Variants in DDX24 observed in about 807,000 individuals in gnomAD.
The protein encoded by DDX24 is DEAD-box helicase 24.
A neutral mutation model predicts 68.9 loss-of-function variants in DDX24; 24 were observed. The observed-to-expected ratio is 0.35, with a 90% confidence interval of 0.25 to 0.49. The LOEUF (loss-of-function observed/expected upper bound fraction) is 0.49. Ranked by LOEUF, DDX24 falls within the 20% of genes least tolerant of loss-of-function variation. The pLI is 0.99. For missense variants in DDX24, 989 were observed against 1,039.0 expected (o/e 0.95, Z 0.66); for synonymous variants, 395 against 385.2 (o/e 1.03, Z -0.30).
chr14:94,061,837 CCAGA>C (rs576394673), intron 3 of DDX24, among the ~76,000 whole-genome samples: 96 of 152,270 alleles, frequency 6.3e-4, no homozygotes, highest in Admixed American at 5.3e-3. Flanking sequence ...ATTTATAAAA[CCAGA>C]CAGTTTGCTA....
rs754417796 is a variant in DDX24, at chr14:94,062,546, G to A, written c.794C>T (p.Pro265Leu). The A allele has an allele frequency of 5.6e-6, 9 of 1,614,146 alleles. No individual in the cohort carries two copies. The South Asian group carries it at 9.9e-5, about 18-fold the overall frequency. ...TGGTGCTTCGGTGTTACTTGGAGGA[G>A]GGGCAGCATTCCTCTTCTGCCACTG... Reference protein sequence around the residue: ...VLQWQKRNAAPPPSNTEAPPG... With the variant: ...VLQWQKRNAALPPSNTEAPPG... The change falls in exon 3 of 9, where the codon CCT (proline) becomes CTT (leucine). Residue 265 changes from proline (P) to leucine (L), a missense_variant. Transcript: ENST00000621632.
In DDX24 at chr14:94,050,696, C is replaced by G. The variant is rs1353280555; in HGVS notation, c.*495G>C. ...GCTAAGGAGCTATTAGGGTGCTGCT[C>G]TGGGTAAAGCAGGAACATGCACCTC... On this transcript the variant is annotated 3_prime_UTR_variant, in exon 9 of 9. Transcript: ENST00000621632. The G allele has an allele frequency of 6.5e-6, 1 of 153,630 alleles. No individual in the cohort carries two copies. Among genetic ancestry groups the G allele is most frequent in the Non-Finnish European group, 1.4e-5 (1 of 69,114 alleles). 9.5% of individuals were successfully genotyped at this position (153,630 alleles called of 1,614,324 possible). A position where few individuals can be genotyped will look rare whatever the true frequency, so the allele number is the denominator to read the frequency against.
At chr14:94,056,978 T>G (rs1253368868) in intron 6 of DDX24, 1 of 152,096 alleles carries the variant, frequency 6.6e-6, no homozygotes, top group African/African-American at 2.4e-5. Flanking sequence ...AAAGAGGAAT[T>G]AAAGAGGAAA....
Position 94,079,111 on chromosome 14 carries a change from C to G in DDX24, c.632G>C (p.Gly211Ala). The G allele has an allele frequency of 1.2e-6, 2 of 1,614,156 alleles. No individual in the cohort carries two copies. Among genetic ancestry groups the G allele is most frequent in the Non-Finnish European group, 1.7e-6 (2 of 1,180,040 alleles). ...TTGGATTGGTGTGGGTGCAGAGAAG[C>G]CTAGAAAGCTGAGTGCTCGGAGAAC... The part of the protein sequence containing the change: ...RPVLRALSFL[G>A]FSAPTPIQAL... The change falls in exon 2 of 9, where the codon GGC (glycine) becomes GCC (alanine). Residue 211 changes from glycine (G) to alanine (A), a missense_variant. Coordinates refer to ENST00000621632, the MANE Select transcript of DDX24 (RefSeq NM_020414.4).
At chr14:94,080,740 G>A (rs943061380) in intron 1 of DDX24, among the ~76,000 whole-genome samples, 1 of 152,150 alleles carries the variant, frequency 6.6e-6, no homozygotes, top group Admixed American at 6.5e-5. Context: ...GAAACACGCG[G>A]GGTTCAACAA....
intron 2 of DDX24, among the ~76,000 whole-genome samples, chr14:94,064,041 G>A (rs1023750989): frequency 6.6e-6 from 1 of 152,160 alleles, no homozygotes; most frequent in Non-Finnish European, 1.5e-5. Flanking sequence ...GCACAAAGGA[G>A]GGGAGAAATG....
At chr14:94,069,068 AAAC>A (rs1188702988) in intron 2 of DDX24, among the ~76,000 whole-genome samples, 1 of 152,168 alleles carries the variant, frequency 6.6e-6, no homozygotes, top group African/African-American at 2.4e-5. Flanking sequence ...AAGATAAACA[AAAC>A]AAAAAGCTAG....
intron 1 of DDX24, among the ~76,000 whole-genome samples, chr14:94,080,898 C>T (rs1270133310): frequency 6.6e-6 from 1 of 152,148 alleles, no homozygotes; most frequent in Non-Finnish European, 1.5e-5. Flanking sequence ...ACCGAGAAAC[C>T]GAGAAGCCGA....
chr14:94,055,187 G>A lies in DDX24; in HGVS notation c.1990-3C>T. On this transcript the variant is annotated splice_polypyrimidine_tract_variant and splice_region_variant and intron_variant, in intron 6 of 8. Transcript: ENST00000621632. ...TAAATCTCCGAGGTACGTGGGACCT[G>A]CCACAGGAAGAACTGGGAGATCAAT... 6.2e-7 allele frequency: 1 copy of A among 1,611,264 alleles called. No homozygotes were observed. The highest frequency in any genetic ancestry group is 8.5e-7 in the Non-Finnish European group (1 of 1,177,974).
intron 5 of DDX24, 55 bp downstream of exon 5, chr14:94,060,043 C>A (rs1885562018): frequency 1.9e-6 from 3 of 1,546,498 alleles, no homozygotes; most frequent in Non-Finnish European, 2.6e-6. Flanking sequence ...ATCCTGACCC[C>A]TTTTACCCCA....
chr14:94,073,416 T>A (rs1359234620), intron 2 of DDX24, among the ~76,000 whole-genome samples: 1 of 152,182 alleles, frequency 6.6e-6, no homozygotes, highest in Non-Finnish European at 1.5e-5. Context: ...ACGAACTGTC[T>A]GATTAAACAG....
At chr14:94,062,005 C>G (rs1181130910) in intron 3 of DDX24, 92 bp downstream of exon 3, 1 of 1,376,102 alleles carries the variant, frequency 7.3e-7, no homozygotes, top group East Asian at 2.5e-5. Flanking sequence ...AGTGGCTTAC[C>G]CTAGAGGGCA....
chr14:94,068,727 A>C (rs2141431376), intron 2 of DDX24, among the ~76,000 whole-genome samples: 1 of 152,334 alleles, frequency 6.6e-6, no homozygotes, highest in Middle Eastern at 3.4e-3. Flanking sequence ...AACCATGCAA[A>C]TACATGAAAA....
At chr14:94,066,697 C>T (rs771922981) in intron 2 of DDX24, among the ~76,000 whole-genome samples, 1 of 152,178 alleles carries the variant, frequency 6.6e-6, no homozygotes, top group Non-Finnish European at 1.5e-5. Context: ...AGCCCAGAGC[C>T]GGGTAGATTT....
chr14:94,057,713 T>C (rs1162739551), intron 6 of DDX24, 109 bp downstream of exon 6: 2 of 1,031,120 alleles, frequency 1.9e-6, no homozygotes, highest in Non-Finnish European at 2.8e-6. Context: ...TGGTATTCTC[T>C]GATGCAAGAG....
chr14:94,073,848 C>T (rs1033622129), intron 2 of DDX24, among the ~76,000 whole-genome samples: 9 of 151,850 alleles, frequency 5.9e-5, no homozygotes, highest in African/African-American at 1.9e-4. Context: ...TTGAGACCAT[C>T]CTGGTTAACA....
At chr14:94,074,158 A>G (rs1885889899) in intron 2 of DDX24, among the ~76,000 whole-genome samples, 1 of 152,174 alleles carries the variant, frequency 6.6e-6, no homozygotes, top group Non-Finnish European at 1.5e-5. Context: ...GATGAATTCT[A>G]CCAAAAATTT....
chr14:94,074,858 T>TC (rs1402612403), intron 2 of DDX24, among the ~76,000 whole-genome samples: 3 of 152,180 alleles, frequency 2.0e-5, no homozygotes, highest in Non-Finnish European at 2.9e-5. Context: ...CCATCATATT[T>TC]CTACTTATTG....
At chr14:94,058,172 GTTAAATGAGGCCATACATAT>G (rs1885525220) in intron 5 of DDX24, among the ~76,000 whole-genome samples, 2 of 152,120 alleles carry the variant, frequency 1.3e-5, no homozygotes, top group African/African-American at 4.8e-5. Context: ...CCTTCAGTGA[GTTAAATGAGGCCATACATAT>G]TCTGGGTCAG....
Sources: allele counts gnomAD v4.1 joint callset (sites outside exome capture counted in the v4.1 genomes callset), GRCh38; gene constraint gnomAD v4.1.1; transcripts MANE v1.5; gene names NCBI Gene and HGNC (gene_info 2026-07-23, HGNC 2026-07-21).